Variants in ARHGEF3 observed in about 807,000 individuals in gnomAD.
ARHGEF3 encodes the protein 59.8 kDA protein.
ARHGEF3 carries 28 observed loss-of-function variants against 63.2 expected under a neutral mutation model. That is an observed-to-expected ratio of 0.44 (90% CI 0.33 to 0.61). The LOEUF (loss-of-function observed/expected upper bound fraction) is 0.61, where lower values mean the gene tolerates loss of function less well. Ranked by LOEUF, ARHGEF3 falls within the 20% of genes least tolerant of loss-of-function variation. The pLI is 0.03. For missense variants in ARHGEF3, 533 were observed against 659.3 expected, an observed-to-expected ratio of 0.81 and a Z score of 2.10; for synonymous variants, 266 against 254.2, an observed-to-expected ratio of 1.05 and a Z score of -0.44.
chr3:56,895,547 T>C (rs2108294245), intron 3 of ARHGEF3, among the ~76,000 whole-genome samples: 1 of 152,008 alleles, frequency 6.6e-6, no homozygotes, highest in African/African-American at 2.4e-5. Flanking sequence ...CACTGCAAGC[T>C]CCGCCTCCTG....
In ARHGEF3 at chr3:56,852,902, C is replaced by T. The variant is rs140824422; in HGVS notation, c.192+29390G>A. ...TCCTTCCAAAAAGGAACCTTGTCTGCTCGATGGATGTATAGACCATGCATT... is the reference window on the plus strand; with the variant it reads ...TCCTTCCAAAAAGGAACCTTGTCTGTTCGATGGATGTATAGACCATGCATT... On this transcript the variant is annotated intron_variant, in intron 4 of 12. Transcript: ENST00000338458. Among the ~76,000 whole-genome samples, 67 of 152,226 alleles carry T rather than the reference C, an allele frequency of 4.4e-4. No homozygotes were observed. In the East Asian group the frequency reaches 0.012, roughly 28 times the overall value.
chr3:57,074,095 A>G lies in ARHGEF3; in HGVS notation c.-28+5131T>C, dbSNP rs375310176. On this transcript the variant is annotated intron_variant, in intron 1 of 12. Transcript: ENST00000338458. ...ACACCTCAATTTCTTGGTATGGAAG[A>G]TGGGGATAATGAGAGGACCACAGGA... The G allele has an allele frequency of 1.1e-5, 17 of 1,613,998 alleles. No homozygotes were observed. The Middle Eastern group carries it at 4.9e-4, about 47-fold the overall frequency.
chr3:56,963,957 C>A (rs569172176), intron 2 of ARHGEF3, among the ~76,000 whole-genome samples: 1 of 152,254 alleles, frequency 6.6e-6, no homozygotes, highest in Admixed American at 6.5e-5. Context: ...AAGGGACATC[C>A]CAATAACATT....
At chr3:56,884,728 T>C (rs931288322) in intron 3 of ARHGEF3, among the ~76,000 whole-genome samples, 10 of 152,236 alleles carry the variant, frequency 6.6e-5, no homozygotes, top group African/African-American at 2.4e-4. Flanking sequence ...TTGAGGATGC[T>C]TCACGTTTGT....
chr3:56,930,161 AT>A (rs1249128719), intron 3 of ARHGEF3, among the ~76,000 whole-genome samples: 1 of 151,378 alleles, frequency 6.6e-6, no homozygotes, highest in Non-Finnish European at 1.5e-5. Flanking sequence ...AATCCAAAGC[AT>A]TTTTTTTAAT....
At chr3:56,820,046 G>A (rs1276579968) in intron 4 of ARHGEF3, among the ~76,000 whole-genome samples, 1 of 152,186 alleles carries the variant, frequency 6.6e-6, no homozygotes, top group Non-Finnish European at 1.5e-5. Context: ...CTGGGTTCAA[G>A]TGATCCTCTC....
At chr3:56,900,978 T>G (rs754369341) in intron 3 of ARHGEF3, among the ~76,000 whole-genome samples, 2 of 152,224 alleles carry the variant, frequency 1.3e-5, no homozygotes. Flanking sequence ...TAACATTTTA[T>G]GCATTTATGA....
intron 3 of ARHGEF3, among the ~76,000 whole-genome samples, chr3:56,921,070 A>AC (rs1328838882): frequency 1.3e-4 from 19 of 150,874 alleles, no homozygotes; most frequent in African/African-American, 4.4e-4. Context: ...AAAAAAAAAA[A>AC]AAAAAAACTC....
chr3:56,794,488 C>CAAAAAAAAAAAAAAAAAAAAA (rs10557985), intron 1 of ARHGEF3, among the ~76,000 whole-genome samples: 10 of 116,934 alleles, frequency 8.6e-5, no homozygotes, highest in African/African-American at 3.2e-4. Context: ...GACTCTATCT[C>CAAAAAAAAAAAAAAAAAAAAA]AAAAAAAAAA....
chr3:56,814,878 C>T (rs924150785), intron 4 of ARHGEF3, among the ~76,000 whole-genome samples: 5 of 152,056 alleles, frequency 3.3e-5, no homozygotes, highest in Admixed American at 1.3e-4. Flanking sequence ...CCTATAATCC[C>T]AACACTTTGG....
chr3:57,026,432 C>T (rs1034657361), intron 2 of ARHGEF3, among the ~76,000 whole-genome samples: 14 of 152,080 alleles, frequency 9.2e-5, no homozygotes, highest in African/African-American at 3.1e-4. Flanking sequence ...TGCCTCCCAC[C>T]CCACGCTTGC....
At chr3:57,000,336 A>ACACT (rs1702144757) in intron 2 of ARHGEF3, among the ~76,000 whole-genome samples, 2 of 151,384 alleles carry the variant, frequency 1.3e-5, no homozygotes, top group South Asian at 2.1e-4. Flanking sequence ...ACACACACAC[A>ACACT]CACACACCTT....
chr3:57,010,688 G>T (rs2107099061), intron 2 of ARHGEF3, among the ~76,000 whole-genome samples: 1 of 152,254 alleles, frequency 6.6e-6, no homozygotes, highest in Admixed American at 6.5e-5. Flanking sequence ...CACAGTCAAA[G>T]TGTCTGCCTC....
In ARHGEF3 at chr3:56,773,789, G is replaced by C. The variant is rs2036136825; in HGVS notation, c.124C>G (p.Leu42Val). 6.2e-7 allele frequency: 1 copy of C among 1,603,476 alleles called. No homozygotes were observed. The highest frequency in any genetic ancestry group is 8.5e-7 in the Non-Finnish European group (1 of 1,176,656). Reference sequence around the variant, plus strand: ...TTTGCTAGCGACGTGACTCGGGAAAGGGGTTTGACCCGTTTATTACTAGGC... The same window carrying C: ...TTTGCTAGCGACGTGACTCGGGAAACGGGTTTGACCCGTTTATTACTAGGC... ...EEPSNKRVKP[L>V]SRVTSLANLI... is the part of the protein sequence containing the mutation. Residue 42 changes from leucine (L) to valine (V), a missense_variant, in exon 2 of 10, where the codon CTT becomes GTT. Transcript: ENST00000296315.
intron 2 of ARHGEF3, among the ~76,000 whole-genome samples, chr3:57,023,965 A>C (rs1703365961): frequency 6.6e-6 from 1 of 152,202 alleles, no homozygotes; most frequent in Non-Finnish European, 1.5e-5. Flanking sequence ...TAGACACTCG[A>C]GATAGACTTC....
At chr3:56,869,137 A>G (rs1418334787) in intron 4 of ARHGEF3, among the ~76,000 whole-genome samples, 1 of 151,592 alleles carries the variant, frequency 6.6e-6, no homozygotes, top group African/African-American at 2.4e-5. Context: ...TTGGAAATTG[A>G]TATTTTGAGG....
At chr3:57,067,913 C>G (rs1395301260) in intron 1 of ARHGEF3, among the ~76,000 whole-genome samples, 4 of 151,960 alleles carry the variant, frequency 2.6e-5, no homozygotes, top group Non-Finnish European at 5.9e-5. Flanking sequence ...TGGCGTGAAC[C>G]TGGGAGGCAG....
chr3:56,778,719 G>C (rs946361584), intron 1 of ARHGEF3, among the ~76,000 whole-genome samples: 2 of 152,084 alleles, frequency 1.3e-5, no homozygotes, highest in African/African-American at 4.8e-5. Flanking sequence ...AATTTTTTTA[G>C]AGAAGGGGTC....
chr3:56,921,919 T>C lies in ARHGEF3; in HGVS notation c.129+36904A>G, dbSNP rs546084489. 5.9e-5 allele frequency among the ~76,000 whole-genome samples: 9 copies of C among 152,348 alleles called. No individual in the cohort carries two copies. In the East Asian group the frequency reaches 1.5e-3, roughly 26 times the overall value. On this transcript the variant is annotated intron_variant, in intron 3 of 12. Coordinates refer to the ARHGEF3 transcript ENST00000338458. ...ACATGGAAGTCTCAACGATTGCTAG[T>C]CATGGCTAATCTTGAGTGCTTATCT...
Sources: allele counts gnomAD v4.1 joint callset (sites outside exome capture counted in the v4.1 genomes callset), GRCh38; gene constraint gnomAD v4.1.1; transcripts MANE v1.5; gene names NCBI Gene and HGNC (gene_info 2026-07-23, HGNC 2026-07-21).